Variants in GUCY2C observed in about 807,000 individuals in gnomAD.
The protein encoded by GUCY2C is guanylyl cyclase C.
Under a neutral mutation model 131.1 loss-of-function variants are expected in GUCY2C, and 118 were observed. The observed-to-expected ratio is 0.90, with a 90% CI of 0.78 to 1.05. The LOEUF (loss-of-function observed/expected upper bound fraction) is 1.05. Among genes scored for constraint, GUCY2C ranks in the 50% least tolerant of loss-of-function variants. GUCY2C has a pLI of 0.00. For synonymous variants in GUCY2C, 452 were observed against 457.8 expected (o/e 0.99, Z 0.16); for missense variants, 1,161 against 1,304.4 (o/e 0.89, Z 1.69).
At chr12:14,662,486 C>G (rs1364181215) in intron 10 of GUCY2C, among the ~76,000 whole-genome samples, 2 of 151,828 alleles carry the variant, frequency 1.3e-5, no homozygotes, top group African/African-American at 4.8e-5. Context: ...ACCAGCCTAG[C>G]CAACATGGCA....
chr12:14,651,417 CCT>C lies in GUCY2C; in HGVS notation c.1698_1699del (p.Gly567IlefsTer8). ...ACCATGGTTTCTTACCCGGAGGGAT[CCT>C]CTCTCACAGTATTCTATCACCCCGA... On this transcript the variant is annotated frameshift_variant, in exon 15 of 27. Coordinates refer to ENST00000261170, the MANE Select transcript of GUCY2C (RefSeq NM_004963.4). LOFTEE classifies it high-confidence loss of function. 1 of 1,519,850 alleles carries C rather than the reference CCT, an allele frequency of 6.6e-7. No homozygotes were observed. The highest frequency in any genetic ancestry group is 9.1e-7 in the Non-Finnish European group (1 of 1,095,216). The allele number at this position is 1,519,850 out of a possible 1,614,324, so 94.1% of individuals were successfully genotyped here.
intron 15 of GUCY2C, among the ~76,000 whole-genome samples, chr12:14,650,569 T>C: frequency 6.6e-6 from 1 of 152,142 alleles, no homozygotes; most frequent in Non-Finnish European, 1.5e-5. Flanking sequence ...TTTAAGAACT[T>C]TTACCTTAGC....
At chr12:14,664,661 C>T (rs926784921) in intron 10 of GUCY2C, among the ~76,000 whole-genome samples, 3 of 152,068 alleles carry the variant, frequency 2.0e-5, no homozygotes, top group African/African-American at 4.8e-5. Flanking sequence ...TAACTCATCT[C>T]ACAATGAATG....
At chr12:14,694,673 T>C (rs1421006675) in intron 1 of GUCY2C, among the ~76,000 whole-genome samples, 1 of 152,226 alleles carries the variant, frequency 6.6e-6, no homozygotes, top group Non-Finnish European at 1.5e-5. Context: ...CGTTCACTTA[T>C]GTGTGAATCT....
intron 5 of GUCY2C, 43 bp from the exon 6 acceptor site, chr12:14,679,796 TACAG>T (rs759941121): frequency 1.0e-6 from 1 of 1,002,178 alleles, no homozygotes; most frequent in Admixed American, 1.8e-5. Flanking sequence ...TATGACAGTC[TACAG>T]ACAAACAGGC....
chr12:14,661,261 G>C (rs1450592316), intron 10 of GUCY2C, among the ~76,000 whole-genome samples, 199 bp from the exon 11 acceptor site: 1 of 152,112 alleles, frequency 6.6e-6, no homozygotes, highest in Non-Finnish European at 1.5e-5. Context: ...CCCAGGGAAA[G>C]TGGCTTAATT....
At chr12:14,662,690 A>G (rs1947894578) in intron 10 of GUCY2C, among the ~76,000 whole-genome samples, 1 of 152,090 alleles carries the variant, frequency 6.6e-6, no homozygotes, top group South Asian at 2.1e-4. Flanking sequence ...AAAAAAAAAA[A>G]AAAAGAAAGA....
At chr12:14,684,115 C>T (rs1055548746) in intron 3 of GUCY2C, among the ~76,000 whole-genome samples, 1 of 152,146 alleles carries the variant, frequency 6.6e-6, no homozygotes, top group Non-Finnish European at 1.5e-5. Flanking sequence ...AAGTTGGCTG[C>T]TTCTCATGGC....
At chr12:14,681,106 A>G (rs901261340) in intron 5 of GUCY2C, among the ~76,000 whole-genome samples, 1 of 152,154 alleles carries the variant, frequency 6.6e-6, no homozygotes, top group African/African-American at 2.4e-5. Flanking sequence ...GGATTTTAGC[A>G]TTATCGTTAT....
At chr12:14,670,206 T>C (rs932173345) in intron 9 of GUCY2C, among the ~76,000 whole-genome samples, 2 of 152,182 alleles carry the variant, frequency 1.3e-5, no homozygotes, top group African/African-American at 4.8e-5. Context: ...AAGACTAGTG[T>C]TTTCCACAAT....
chr12:14,629,135 C>T (rs976029719), intron 19 of GUCY2C, among the ~76,000 whole-genome samples: 6 of 152,132 alleles, frequency 3.9e-5, no homozygotes, highest in African/African-American at 1.2e-4. Flanking sequence ...TGCCCTTATA[C>T]AAAGGCTGGA....
chr12:14,617,331 G>A (rs987146855), intron 24 of GUCY2C, among the ~76,000 whole-genome samples: 1 of 152,094 alleles, frequency 6.6e-6, no homozygotes, highest in African/African-American at 2.4e-5. Context: ...AAGAAAGAAG[G>A]CCTGGCATCA....
At position 14,613,330 on chromosome 12, in the gene GUCY2C, C is replaced by A. The variant is rs764894497; in HGVS notation, c.3048-39G>T. On this transcript the variant is annotated intron_variant, in intron 26 of 26. Coordinates refer to ENST00000261170, the MANE Select transcript of GUCY2C (RefSeq NM_004963.4). This position sits in a 1 kb window ranked among gnomAD's most constrained non-coding sequence, Gnocchi z 4.9. Reference sequence around the variant, plus strand: ...GGGAAGAGAAAATAGAACTTCTCAGCAATTCATACAGAATATTCCTTAGCT... The same window carrying A: ...GGGAAGAGAAAATAGAACTTCTCAGAAATTCATACAGAATATTCCTTAGCT... 10 of 1,454,610 alleles carry A rather than the reference C, an allele frequency of 6.9e-6. No homozygotes were observed. The highest frequency in any genetic ancestry group is 1.4e-5 in the African/African-American group (1 of 71,754). 90.1% of individuals were successfully genotyped at this position (1,454,610 alleles called of 1,614,324 possible).
At chr12:14,679,411 T>G (rs1271945826) in intron 6 of GUCY2C, among the ~76,000 whole-genome samples, 1 of 152,170 alleles carries the variant, frequency 6.6e-6, no homozygotes, top group Non-Finnish European at 1.5e-5. Context: ...AATGGACATG[T>G]GGGTTCAATG....
intron 8 of GUCY2C, among the ~76,000 whole-genome samples, chr12:14,673,677 G>A (rs1312602009): frequency 6.6e-6 from 1 of 152,150 alleles, no homozygotes; most frequent in Non-Finnish European, 1.5e-5. Context: ...TAGGTGGCGG[G>A]AACAAACATT....
Position 14,613,352 on chromosome 12 carries a change from A to T in GUCY2C, c.3048-61T>A, listed in dbSNP as rs931811274. ...CAGCAATTCATACAGAATATTCCTT[A>T]GCTCCAGAATAATCAGTTCAGTTAG... On this transcript the variant is annotated intron_variant, in intron 26 of 26. Coordinates refer to ENST00000261170, the MANE Select transcript of GUCY2C (RefSeq NM_004963.4). This position sits in a 1 kb window ranked among gnomAD's most constrained non-coding sequence, Gnocchi z 4.9. The T allele has an allele frequency of 3.2e-6, 4 of 1,261,144 alleles. No homozygotes were observed. The highest frequency in any genetic ancestry group is 4.6e-6 in the Non-Finnish European group (4 of 862,422). The allele number at this position is 1,261,144 out of a possible 1,614,324, so 78.1% of individuals were successfully genotyped here. A position where few individuals can be genotyped will look rare whatever the true frequency, so the allele number is the denominator to read the frequency against.
chr12:14,668,817 A>C (rs1188034187), intron 10 of GUCY2C, among the ~76,000 whole-genome samples: 1 of 152,058 alleles, frequency 6.6e-6, no homozygotes, highest in Admixed American at 6.6e-5. Context: ...CCTGCTGCTG[A>C]TGGTGAGTGT....
intron 11 of GUCY2C, 107 bp from the exon 12 acceptor site, chr12:14,656,724 T>A: frequency 3.5e-6 from 2 of 575,658 alleles, no homozygotes; most frequent in Non-Finnish European, 6.4e-6. Context: ...GGTAGATATG[T>A]GTGAGGGAAG....
At chr12:14,623,065 T>G (rs965428006) in intron 21 of GUCY2C, among the ~76,000 whole-genome samples, 1 of 152,094 alleles carries the variant, frequency 6.6e-6, no homozygotes, top group Admixed American at 6.6e-5. Context: ...AGCTGGGAGG[T>G]TCCACGGAAG....
Sources: allele counts gnomAD v4.1 joint callset (sites outside exome capture counted in the v4.1 genomes callset), GRCh38; gene constraint gnomAD v4.1.1; non-coding constraint Gnocchi (gnomAD v3.1); transcripts MANE v1.5; gene names NCBI Gene and HGNC (gene_info 2026-07-23, HGNC 2026-07-21).